SDK1: variants seen among roughly 807,000 people sequenced by gnomAD.
The protein encoded by SDK1 is sidekick cell adhesion molecule 1, also known as protein sidekick-1.
SDK1 carries 157 observed loss-of-function variants against 245.5 expected under a neutral mutation model. The ratio of observed to expected loss-of-function variants is 0.64; its 90% CI spans 0.56 to 0.73. The LOEUF (loss-of-function observed/expected upper bound fraction) is 0.73. SDK1 is among the 30% of genes least tolerant of loss of function. SDK1 has a pLI of 0.00. For synonymous variants in SDK1, 1,647 were observed against 1,278.5 expected (o/e 1.29, Z -6.15); for missense variants, 3,583 against 3,002.3 (o/e 1.19, Z -4.52).
At chr7:4,103,493 CA>C (rs1441679391) in intron 22 of SDK1, among the ~76,000 whole-genome samples, 3 of 152,176 alleles carry the variant, frequency 2.0e-5, no homozygotes, top group Non-Finnish European at 4.4e-5. Context: ...TCTCTCCAGA[CA>C]AAAATGTAAA....
chr7:4,079,562 C>G lies in SDK1; in HGVS notation c.3302C>G (p.Ser1101Cys). 6.8e-6 allele frequency: 11 copies of G among 1,614,212 alleles called. No homozygotes were observed. Among genetic ancestry groups the G allele is most frequent in the Non-Finnish European group, 9.3e-6 (11 of 1,180,036 alleles). ...GGCTATGACGGGAAAACGTCCATCT[C>G]CAGGTGGATTGTTGAGGGGCAGGTA... ...RPGYDGKTSI[S>C]RWIVEGQVGA... is the part of the protein sequence containing the mutation. Residue 1101 changes from serine (S) to cysteine (C), a missense_variant, in exon 22 of 45, where the codon TCC becomes TGC. By Grantham distance (112) the Ser-to-Cys change is moderately radical. Transcript: ENST00000404826.
chr7:3,587,894 C>G (rs1223598498), intron 1 of SDK1, among the ~76,000 whole-genome samples: 1 of 152,226 alleles, frequency 6.6e-6, no homozygotes, highest in East Asian at 1.9e-4. Context: ...GTAGCTGACA[C>G]AATTGCCTTC....
At chr7:3,721,709 A>T (rs1290469695) in intron 4 of SDK1, among the ~76,000 whole-genome samples, 5 of 152,158 alleles carry the variant, frequency 3.3e-5, no homozygotes, top group African/African-American at 1.2e-4. Flanking sequence ...GGGGAGGAAT[A>T]ATGATCTGTT....
At chr7:3,745,016 C>G (rs1174271581) in intron 4 of SDK1, among the ~76,000 whole-genome samples, 1 of 152,080 alleles carries the variant, frequency 6.6e-6, no homozygotes, top group Non-Finnish European at 1.5e-5. Flanking sequence ...TCAGATTAAA[C>G]CGGCCTCCAT....
chr7:3,612,919 C>T (rs1781648385), intron 1 of SDK1, among the ~76,000 whole-genome samples: 1 of 152,082 alleles, frequency 6.6e-6, no homozygotes, highest in Non-Finnish European at 1.5e-5. Context: ...CCCCACCCCC[C>T]TTGTTTGTGG....
intron 1 of SDK1, among the ~76,000 whole-genome samples, chr7:3,355,797 T>G (rs1780778037): frequency 6.6e-6 from 1 of 152,236 alleles, no homozygotes; most frequent in Non-Finnish European, 1.5e-5. Context: ...ATCTGCTATT[T>G]TATGCCTCCT....
chr7:3,609,017 C>A (rs1418595834), intron 1 of SDK1, among the ~76,000 whole-genome samples: 1 of 151,910 alleles, frequency 6.6e-6, no homozygotes, highest in Non-Finnish European at 1.5e-5. Context: ...AAGCTAGACA[C>A]TGGAAAAATT....
intron 1 of SDK1, among the ~76,000 whole-genome samples, chr7:3,311,502 G>A (rs1779549481): frequency 1.3e-5 from 2 of 152,068 alleles, no homozygotes; most frequent in African/African-American, 4.8e-5. Context: ...GAACTATGGA[G>A]GCATTTGAAA....
Position 4,145,657 on chromosome 7 carries a change from C to A in SDK1, c.4229-65C>A. On this transcript the variant is annotated intron_variant, in intron 28 of 44. Transcript: ENST00000404826. Reference sequence around the variant, plus strand: ...TCCAGGGGTCAGCACAGGGTGTGGGCACAGGGCTTCCCTGTGCCGTGGGTG... The same window carrying A: ...TCCAGGGGTCAGCACAGGGTGTGGGAACAGGGCTTCCCTGTGCCGTGGGTG... 2.1e-6 allele frequency: 3 copies of A among 1,433,828 alleles called. No individual in the cohort carries two copies. The African/African-American group carries it at 4.2e-5, about 20-fold the overall frequency. The allele number at this position is 1,433,828 out of a possible 1,614,324, so 88.8% of individuals were successfully genotyped here.
chr7:4,006,405 C>G (rs1454970994), intron 14 of SDK1, among the ~76,000 whole-genome samples: 1 of 152,160 alleles, frequency 6.6e-6, no homozygotes, highest in Non-Finnish European at 1.5e-5. Context: ...TTTCCTTTAT[C>G]AAAAGATTCT....
intron 4 of SDK1, among the ~76,000 whole-genome samples, chr7:3,772,498 A>C (rs1052919820): frequency 6.6e-6 from 1 of 152,218 alleles, no homozygotes; most frequent in Non-Finnish European, 1.5e-5. Context: ...CATAGAAATC[A>C]AAATGTGGGG....
chr7:3,393,872 G>A (rs989497943), intron 1 of SDK1, among the ~76,000 whole-genome samples: 2 of 152,086 alleles, frequency 1.3e-5, no homozygotes, highest in Non-Finnish European at 2.9e-5. Context: ...GTGAGGTCGT[G>A]TTTTCCCGGA....
intron 5 of SDK1, among the ~76,000 whole-genome samples, chr7:3,906,300 T>A (rs1583542470): frequency 6.6e-6 from 1 of 152,322 alleles, no homozygotes; most frequent in Non-Finnish European, 1.5e-5. Flanking sequence ...TTTTGTAGTG[T>A]CTCCCAAATT....
At chr7:3,671,036 G>A (rs907109534) in intron 4 of SDK1, among the ~76,000 whole-genome samples, 5 of 152,110 alleles carry the variant, frequency 3.3e-5, no homozygotes, top group African/African-American at 1.2e-4. Context: ...CTAGTTCCTT[G>A]AGGTTTGTTT....
intron 4 of SDK1, among the ~76,000 whole-genome samples, chr7:3,645,950 C>T (rs1782821787): frequency 6.6e-6 from 1 of 152,064 alleles, no homozygotes; most frequent in Admixed American, 6.5e-5. Context: ...CCTCTGCCTC[C>T]CGAGGTCAAG....
At chr7:3,952,781 C>G (rs972962490) in intron 7 of SDK1, among the ~76,000 whole-genome samples, 1 of 151,856 alleles carries the variant, frequency 6.6e-6, no homozygotes, top group African/African-American at 2.4e-5. Flanking sequence ...ATTAAGTACA[C>G]TGGAGTTGCC....
intron 5 of SDK1, among the ~76,000 whole-genome samples, chr7:3,907,651 C>T (rs910603886): frequency 2.6e-5 from 4 of 152,164 alleles, no homozygotes; most frequent in African/African-American, 7.2e-5. Flanking sequence ...ATTACTGAAT[C>T]TTATAGCAAC....
chr7:4,062,524 A>G (rs1779606434), intron 19 of SDK1, among the ~76,000 whole-genome samples: 1 of 152,222 alleles, frequency 6.6e-6, no homozygotes, highest in Admixed American at 6.5e-5. Context: ...ATTCTACCAT[A>G]CTTTCAAGGA....
intron 1 of SDK1, among the ~76,000 whole-genome samples, chr7:3,534,056 T>A (rs1017358550): frequency 2.0e-5 from 3 of 152,194 alleles, no homozygotes; most frequent in South Asian, 4.1e-4. Flanking sequence ...GATTAGCAAA[T>A]CCCTGCATTT....
Sources: allele counts gnomAD v4.1 joint callset (sites outside exome capture counted in the v4.1 genomes callset), GRCh38; gene constraint gnomAD v4.1.1; transcripts MANE v1.5; gene names NCBI Gene and HGNC (gene_info 2026-07-23, HGNC 2026-07-21).